The following TBCE variants were observed in gnomAD, a reference collection of about 807,000 sequenced individuals.
The protein encoded by TBCE is tubulin folding cofactor E.
In TBCE, 53 loss-of-function variants were observed where a neutral mutation model predicts 77.0. The observed-to-expected ratio is 0.69, with a 90% CI of 0.55 to 0.87. The LOEUF (loss-of-function observed/expected upper bound fraction) is 0.87, where lower values mean the gene tolerates loss of function less well. TBCE is among the 40% of genes least tolerant of loss of function. TBCE has a pLI of 0.00. For missense variants in TBCE, 624 were observed against 622.4 expected (o/e 1.00, Z -0.03); for synonymous variants, 235 against 241.3 (o/e 0.97, Z 0.24).
intron 1 of TBCE, among the ~76,000 whole-genome samples, chr1:235,377,971 A>T (rs1182120354): frequency 6.6e-6 from 1 of 151,210 alleles, no homozygotes; most frequent in Non-Finnish European, 1.5e-5. Context: ...TTCTTAAAAT[A>T]AAAAAAACCC....
chr1:235,415,112 A>G (rs1055320424), intron 4 of TBCE: 1 of 187,294 alleles, frequency 5.3e-6, no homozygotes, highest in African/African-American at 2.4e-5. Context: ...GCTCAATCAC[A>G]ATTTTGGGAT....
intron 3 of TBCE, among the ~76,000 whole-genome samples, chr1:235,405,365 G>A (rs895890395): frequency 1.7e-4 from 26 of 148,584 alleles, no homozygotes; most frequent in Non-Finnish European, 8.9e-5. Flanking sequence ...GCTGGGCACA[G>A]CAGCTCATGC....
rs896017158 is a variant in TBCE at position 235,451,051 on chromosome 1, G to T, written c.*2289G>T. On this transcript the variant is annotated 3_prime_UTR_variant, in exon 17 of 17. Transcript: ENST00000642610. ...ACTCCGTGATCAAAGAAGAAACAGG[G>T]TAGGAGAAAGCACTGAGTCAGCCTG... 2 of 152,170 alleles carry T rather than the reference G, an allele frequency of 1.3e-5. No individual in the cohort carries two copies. Among genetic ancestry groups the T allele is most frequent in the Non-Finnish European group, 2.9e-5 (2 of 68,046 alleles). 9.4% of individuals were successfully genotyped at this position (152,170 alleles called of 1,614,324 possible). A position where few individuals can be genotyped will look rare whatever the true frequency, so the allele number is the denominator to read the frequency against.
At chr1:235,397,875 C>G (rs751835837) in intron 2 of TBCE, among the ~76,000 whole-genome samples, 2 of 152,182 alleles carry the variant, frequency 1.3e-5, no homozygotes, top group Non-Finnish European at 2.9e-5. Flanking sequence ...TGTCCACTCT[C>G]TTACTCATAC....
intron 9 of TBCE, 33 bp downstream of exon 9, chr1:235,435,873 G>A: frequency 6.4e-7 from 1 of 1,566,226 alleles, no homozygotes; most frequent in Non-Finnish European, 8.8e-7. Context: ...ATACAATAGT[G>A]TTCAGTCAAT....
chr1:235,410,852 T>C (rs1165021555), intron 3 of TBCE, among the ~76,000 whole-genome samples: 1 of 152,190 alleles, frequency 6.6e-6, no homozygotes, highest in Middle Eastern at 3.2e-3. Context: ...AGGAGCTCAG[T>C]TCGAAAGCGT....
chr1:235,444,996 T>C (rs1682148402), intron 15 of TBCE, among the ~76,000 whole-genome samples: 1 of 152,256 alleles, frequency 6.6e-6, no homozygotes, highest in Admixed American at 6.5e-5. Context: ...ACCTGACTGG[T>C]ATCCCAGGTC....
chr1:235,418,470 C>T (rs1018828720), intron 4 of TBCE: 3 of 152,224 alleles, frequency 2.0e-5, no homozygotes, highest in East Asian at 1.9e-4. Flanking sequence ...GAATAGAAAG[C>T]ACAAGATTCT....
intron 15 of TBCE, among the ~76,000 whole-genome samples, chr1:235,445,546 G>A (rs537687371): frequency 3.3e-4 from 50 of 152,156 alleles, no homozygotes; most frequent in Non-Finnish European, 6.2e-4. Flanking sequence ...TGAGGTGGGA[G>A]GATCACTTGA....
chr1:235,445,982 TATTTAA>T (rs1343883107), intron 15 of TBCE, among the ~76,000 whole-genome samples: 4 of 152,174 alleles, frequency 2.6e-5, no homozygotes, highest in Non-Finnish European at 5.9e-5. Flanking sequence ...CACATGTGGC[TATTTAA>T]ATTCATTAAA....
At chr1:235,378,664 T>C (rs1389110401) in intron 1 of TBCE, among the ~76,000 whole-genome samples, 1 of 152,102 alleles carries the variant, frequency 6.6e-6, no homozygotes, top group African/African-American at 2.4e-5. Context: ...CTGGCCAACA[T>C]GGTGAAACAC....
At chr1:235,431,101 A>G (rs16832612) in intron 7 of TBCE, among the ~76,000 whole-genome samples, 3,441 of 152,240 alleles carry the variant, frequency 0.023, 136 homozygotes, top group African/African-American at 0.078. Flanking sequence ...GCTGAGCTTC[A>G]AAAAGCCGTA....
chr1:235,449,270 A>G lies in TBCE; in HGVS notation c.*508A>G, dbSNP rs556779026. ...TTGCACTATTTCTAAGAGTACTTAA[A>G]TTAATCACATGCTTTTCCCTACAAT... On this transcript the variant is annotated 3_prime_UTR_variant, in exon 17 of 17. Transcript: ENST00000642610. 146 of 167,496 alleles carry G rather than the reference A, an allele frequency of 8.7e-4. No individual in the cohort carries two copies. The highest frequency in any genetic ancestry group is 3.2e-3 in the African/African-American group (135 of 41,632). The allele number at this position is 167,496 out of a possible 1,614,324, so 10.4% of individuals were successfully genotyped here. A position where few individuals can be genotyped will look rare whatever the true frequency, so the allele number is the denominator to read the frequency against.
intron 5 of TBCE, among the ~76,000 whole-genome samples, chr1:235,426,002 G>A (rs915030832): frequency 2.0e-5 from 3 of 152,136 alleles, no homozygotes; most frequent in Non-Finnish European, 4.4e-5. Context: ...GTCTCTCCCC[G>A]ATGACACTCT....
chr1:235,408,441 T>G (rs924903238), intron 3 of TBCE, among the ~76,000 whole-genome samples: 1 of 152,038 alleles, frequency 6.6e-6, no homozygotes, highest in Non-Finnish European at 1.5e-5. Flanking sequence ...GATTTTTTTT[T>G]TTTTTTAATC....
At chr1:235,389,757 G>A (rs1355416147) in intron 2 of TBCE, among the ~76,000 whole-genome samples, 1 of 152,174 alleles carries the variant, frequency 6.6e-6, no homozygotes, top group African/African-American at 2.4e-5. Flanking sequence ...AACTAAATCA[G>A]TTAGATGTTT....
rs542008139 is a variant in TBCE, at chr1:235,442,752, T to A, written c.1340-100T>A. The A allele has an allele frequency of 4.0e-5, 46 of 1,148,244 alleles. No homozygotes were observed. In the African/African-American group the frequency reaches 6.4e-4, roughly 16 times the overall value. 71.1% of individuals were successfully genotyped at this position (1,148,244 alleles called of 1,614,324 possible). ...ATTGATTAGACCTGCCAATTTGCACTGAATACCTCTATCATTTGGCCATCT... is the reference window on the plus strand; with the variant it reads ...ATTGATTAGACCTGCCAATTTGCACAGAATACCTCTATCATTTGGCCATCT... On this transcript the variant is annotated intron_variant, in intron 14 of 16. Coordinates refer to ENST00000642610, the MANE Select transcript of TBCE (RefSeq NM_003193.5).
rs1468496020 is a variant in TBCE at position 235,449,399 on chromosome 1, T to G, written c.*637T>G. The G allele has an allele frequency of 1.3e-5, 2 of 153,176 alleles. No individual in the cohort carries two copies. The highest frequency in any genetic ancestry group is 2.9e-5 in the Non-Finnish European group (2 of 68,762). 9.5% of individuals were successfully genotyped at this position (153,176 alleles called of 1,614,324 possible). On this transcript the variant is annotated 3_prime_UTR_variant, in exon 17 of 17. Coordinates refer to ENST00000642610, the MANE Select transcript of TBCE (RefSeq NM_003193.5). ...AATGATAGGAGGAAAGCAAAACTAA[T>G]TCTTTCAAAATGTCAACAAAATTTA...
chr1:235,438,002 G>T (rs1681574742), intron 12 of TBCE, among the ~76,000 whole-genome samples: 1 of 152,062 alleles, frequency 6.6e-6, no homozygotes, highest in South Asian at 2.1e-4. Flanking sequence ...GGCACACCAG[G>T]CACCGTCTCC....
Sources: allele counts gnomAD v4.1 joint callset (sites outside exome capture counted in the v4.1 genomes callset), GRCh38; gene constraint gnomAD v4.1.1; transcripts MANE v1.5; gene names NCBI Gene and HGNC (gene_info 2026-07-23, HGNC 2026-07-21).